The following ACOT11 variants were observed in gnomAD, a reference collection of about 807,000 sequenced individuals.
ACOT11 encodes the protein acyl-CoA thioesterase 11.
Under a neutral mutation model 77.5 loss-of-function variants are expected in ACOT11, and 69 were observed. That is an observed-to-expected ratio of 0.89 (90% CI 0.73 to 1.09). ACOT11 has a LOEUF of 1.09. Ranked by LOEUF, ACOT11 falls within the 50% of genes least tolerant of loss-of-function variation. The pLI is 0.00. For synonymous variants in ACOT11, 279 were observed against 313.0 expected (o/e 0.89, Z 1.15); for missense variants, 766 against 813.7 (o/e 0.94, Z 0.71).
intron 1 of ACOT11, among the ~76,000 whole-genome samples, chr1:54,561,528 C>G (rs1296115259): frequency 2.6e-5 from 3 of 113,946 alleles, no homozygotes; most frequent in African/African-American, 1.2e-4. Context: ...GGCAACCATC[C>G]GATTTCTCAA....
In ACOT11 at chr1:54,584,611, C is replaced by T. The variant is rs1654430737; in HGVS notation, c.34-44C>T. ...TGGACAGACCTGGGAGACCCTGCAG[C>T]AAGCAGACCTCTCTGTCCCCACCTG... On this transcript the variant is annotated intron_variant, in intron 1 of 15. Coordinates refer to ENST00000343744, the MANE Select transcript of ACOT11 (RefSeq NM_147161.4). The surrounding 1 kb of genome is among the most constrained non-coding windows in gnomAD (Gnocchi z 6.3). The T allele has an allele frequency of 1.3e-6, 2 of 1,576,546 alleles. No homozygotes were observed. The highest frequency in any genetic ancestry group is 8.7e-7 in the Non-Finnish European group (1 of 1,154,788).
intron 8 of ACOT11, among the ~76,000 whole-genome samples, 151 bp from the exon 9 acceptor site, chr1:54,601,116 CAT>C (rs10533779): frequency 0.43 from 64,217 of 150,610 alleles, 14,421 homozygotes; most frequent in Non-Finnish European, 0.52. Context: ...TGTGTGCATA[CAT>C]GTGTGTGTAT....
At chr1:54,554,329 GTGTGTA>G (rs1169649655) in intron 1 of ACOT11, among the ~76,000 whole-genome samples, 8 of 75,818 alleles carry the variant, frequency 1.1e-4, no homozygotes, top group East Asian at 8.7e-4. Flanking sequence ...GTGTGTGTGT[GTGTGTA>G]TATATATATA....
intron 1 of ACOT11, among the ~76,000 whole-genome samples, chr1:54,561,794 A>G (rs1227209360): frequency 4.1e-5 from 3 of 73,612 alleles, no homozygotes; most frequent in African/African-American, 5.6e-5. Flanking sequence ...TGACCCCCCC[A>G]CCTCCCTCCC....
intron 1 of ACOT11, among the ~76,000 whole-genome samples, chr1:54,575,906 G>A (rs553207341): frequency 3.3e-5 from 5 of 152,304 alleles, no homozygotes; most frequent in Admixed American, 1.3e-4. Flanking sequence ...ACTGGGTCAC[G>A]CCATGGTGCT....
downstream of ACOT11, among the ~76,000 whole-genome samples, chr1:54,613,057 GTC>G (rs1421965364): frequency 2.0e-5 from 3 of 152,048 alleles, no homozygotes; most frequent in Admixed American, 2.0e-4. Flanking sequence ...CCAGCTGGGA[GTC>G]TCTGAAGTTT....
At chr1:54,563,367 C>T (rs147402883) in intron 1 of ACOT11, among the ~76,000 whole-genome samples, 14 of 152,306 alleles carry the variant, frequency 9.2e-5, no homozygotes, top group East Asian at 3.9e-4. Flanking sequence ...CATCGCTCAC[C>T]GGCAGAGTGC....
intron 1 of ACOT11, among the ~76,000 whole-genome samples, chr1:54,575,618 C>T (rs1395283720): frequency 6.6e-6 from 1 of 152,214 alleles, no homozygotes; most frequent in Non-Finnish European, 1.5e-5. Flanking sequence ...GCTCTGTCCC[C>T]TCTGGGCCCT....
At chr1:54,554,692 A>G (rs914929669) in intron 1 of ACOT11, among the ~76,000 whole-genome samples, 3 of 151,958 alleles carry the variant, frequency 2.0e-5, no homozygotes, top group African/African-American at 7.3e-5. Context: ...GTGGACACTT[A>G]GTTGGTTCCA....
chr1:54,599,506 G>A (rs1643938497), intron 8 of ACOT11, 91 bp downstream of exon 8: 1 of 1,301,778 alleles, frequency 7.7e-7, no homozygotes, highest in Admixed American at 2.4e-5. Flanking sequence ...CTGTCCAGGA[G>A]CCCTTTGCCC....
At chr1:54,558,057 G>T (rs1653326873) in intron 1 of ACOT11, among the ~76,000 whole-genome samples, 1 of 152,088 alleles carries the variant, frequency 6.6e-6, no homozygotes, top group Non-Finnish European at 1.5e-5. Context: ...TCCTCATCTT[G>T]TCTGTCCCTA....
At chr1:54,610,441 C>G, downstream of ACOT11, 1 of 1,613,618 alleles carries the variant, frequency 6.2e-7, no homozygotes, top group Non-Finnish European at 8.5e-7. Flanking sequence ...TGTTTTACCG[C>G]TGCCCTGGAC....
chr1:54,559,541 ATGT>A (rs1412408160), intron 1 of ACOT11, among the ~76,000 whole-genome samples: 1 of 152,090 alleles, frequency 6.6e-6, no homozygotes, highest in Non-Finnish European at 1.5e-5. Context: ...AGGAATAGAG[ATGT>A]TGAAAAAATG....
intron 3 of ACOT11, among the ~76,000 whole-genome samples, chr1:54,588,601 G>C (rs141172259): frequency 2.1e-4 from 32 of 152,260 alleles, no homozygotes; most frequent in African/African-American, 7.2e-4. Context: ...GTAGTCAAGG[G>C]GGGACTTCCT....
intron 1 of ACOT11, among the ~76,000 whole-genome samples, chr1:54,559,110 A>G (rs1422191085): frequency 1.3e-5 from 2 of 152,224 alleles, no homozygotes; most frequent in African/African-American, 2.4e-5. Flanking sequence ...ACACCTGGCA[A>G]GAGACCCAGA....
intron 1 of ACOT11, among the ~76,000 whole-genome samples, chr1:54,558,587 T>C (rs954477545): frequency 6.6e-6 from 1 of 152,080 alleles, no homozygotes; most frequent in African/African-American, 2.4e-5. Flanking sequence ...CTTGGGAAGA[T>C]CTGAGGGAAG....
At position 54,609,203 on chromosome 1, in the gene ACOT11, T is replaced by C. The variant is rs1423120261; in HGVS notation, c.*91T>C. On this transcript the variant is annotated 3_prime_UTR_variant, in exon 16 of 16. Transcript: ENST00000343744. ...GCCTGGAGAAAGCCAAAGACCTTTATTTCTTCCTGCCTCCCCGTGGGAAGC... is the reference window on the plus strand; with the variant it reads ...GCCTGGAGAAAGCCAAAGACCTTTACTTCTTCCTGCCTCCCCGTGGGAAGC... The C allele has an allele frequency of 6.3e-7, 1 of 1,593,554 alleles. No individual in the cohort carries two copies.
downstream of ACOT11, chr1:54,610,485 A>T: frequency 6.7e-7 from 1 of 1,500,980 alleles, no homozygotes; most frequent in Non-Finnish European, 9.2e-7. Context: ...TCAGACCGTC[A>T]TCCCCAGGCA....
At chr1:54,610,851 TGATGGGGCCTCTTTGA>T, downstream of ACOT11, 3 of 985,414 alleles carry the variant, frequency 3.0e-6, no homozygotes, top group Non-Finnish European at 3.6e-6. Flanking sequence ...ATGCTGAGTC[TGATGGGGCCTCTTTGA>T]GATGGCTTAA....
Sources: gnomAD v4.1 joint callset for allele counts (sites outside exome capture counted in the v4.1 genomes callset) on GRCh38, gnomAD v4.1.1 for gene constraint, Gnocchi (gnomAD v3.1) non-coding constraint, MANE v1.5 for transcripts, NCBI Gene and HGNC (gene_info 2026-07-23, HGNC 2026-07-21) for gene names.